CNIH3: variants seen among roughly 807,000 people sequenced by gnomAD.
CNIH3 encodes the protein protein cornichon homolog 3.
CNIH3 carries 14 observed loss-of-function variants against 24.1 expected under a neutral mutation model. The observed-to-expected ratio is 0.58, with a 90% CI of 0.38 to 0.91. CNIH3 has a LOEUF of 0.91. Ranked by LOEUF, CNIH3 falls within the 40% of genes least tolerant of loss-of-function variation. CNIH3 has a pLI of 0.00. For missense variants in CNIH3, 178 were observed against 196.8 expected (o/e 0.90, Z 0.57); for synonymous variants, 68 against 73.8 (o/e 0.92, Z 0.40).
intron 3 of CNIH3, among the ~76,000 whole-genome samples, chr1:224,564,047 A>AT (rs1285337765): frequency 6.6e-6 from 1 of 152,226 alleles, no homozygotes; most frequent in African/African-American, 2.4e-5. Context: ...GAAAAGACCC[A>AT]TGTGATGAGA....
intron 3 of CNIH3, among the ~76,000 whole-genome samples, chr1:224,687,347 C>T (rs1272834562): frequency 6.6e-6 from 1 of 152,184 alleles, no homozygotes; most frequent in Non-Finnish European, 1.5e-5. Flanking sequence ...ATTTTCCCAC[C>T]TTAGCCTCCT....
chr1:224,690,634 A>G (rs1160212873), intron 3 of CNIH3, among the ~76,000 whole-genome samples: 2 of 152,196 alleles, frequency 1.3e-5, no homozygotes, highest in African/African-American at 2.4e-5. Context: ...TCTCCAATTC[A>G]TGTCCCAGTT....
At chr1:224,468,255 T>C (rs1676229216) in intron 1 of CNIH3, among the ~76,000 whole-genome samples, 1 of 152,230 alleles carries the variant, frequency 6.6e-6, no homozygotes, top group South Asian at 2.1e-4. Context: ...ATAGGAATTA[T>C]GTAAATCAAT....
chr1:224,467,675 C>T (rs1054084052), intron 1 of CNIH3, among the ~76,000 whole-genome samples: 6 of 152,092 alleles, frequency 3.9e-5, no homozygotes, highest in Admixed American at 1.3e-4. Flanking sequence ...CCACTCACTT[C>T]GACCTCCCAT....
upstream of CNIH3, chr1:224,615,500 T>G (rs1682914361): frequency 6.6e-6 from 1 of 152,348 alleles, no homozygotes; most frequent in Middle Eastern, 3.4e-3. Context: ...TTTTTACTTA[T>G]GTTCCCTTTT....
intron 1 of CNIH3, among the ~76,000 whole-genome samples, chr1:224,516,702 A>G (rs969982555): frequency 6.6e-6 from 1 of 152,232 alleles, no homozygotes; most frequent in Non-Finnish European, 1.5e-5. Context: ...GCACTGCAAG[A>G]GCAGATAAGC....
At chr1:224,701,342 G>A (rs1687479135) in intron 3 of CNIH3, among the ~76,000 whole-genome samples, 1 of 152,106 alleles carries the variant, frequency 6.6e-6, no homozygotes, top group African/African-American at 2.4e-5. Flanking sequence ...TCTGGAGGCT[G>A]GGAAGTCCAA....
intron 4 of CNIH3, among the ~76,000 whole-genome samples, chr1:224,733,048 C>G (rs1181725059): frequency 6.6e-6 from 1 of 152,136 alleles, no homozygotes; most frequent in African/African-American, 2.4e-5. Context: ...CAGGTCCAGA[C>G]CAGTGACATT....
At chr1:224,436,506 A>G (rs961895160) in intron 1 of CNIH3, among the ~76,000 whole-genome samples, 3 of 152,368 alleles carry the variant, frequency 2.0e-5, no homozygotes, top group East Asian at 1.9e-4. Context: ...TTCATTAACA[A>G]AAGTAAAATG....
At chr1:224,552,543 C>G (rs1274307688) in intron 3 of CNIH3, among the ~76,000 whole-genome samples, 3 of 151,250 alleles carry the variant, frequency 2.0e-5, no homozygotes, top group Non-Finnish European at 4.4e-5. Context: ...GGAATAATAT[C>G]ACAAGATGTA....
chr1:224,620,432 G>T (rs880496), intron 1 of CNIH3, among the ~76,000 whole-genome samples: 23,043 of 152,184 alleles, frequency 0.15, 1,972 homozygotes, highest in Non-Finnish European at 0.19. Flanking sequence ...TCATAACTTA[G>T]ATAATAATTT....
At chr1:224,697,089 T>C (rs2125167567) in intron 3 of CNIH3, among the ~76,000 whole-genome samples, 1 of 152,322 alleles carries the variant, frequency 6.6e-6, no homozygotes, top group East Asian at 1.9e-4. Context: ...ATTTTCATAA[T>C]GCGTGAGCAG....
In CNIH3 at chr1:224,645,698, C is replaced by T. The variant is rs370633412; in HGVS notation, c.81+28443C>T. Among the ~76,000 whole-genome samples, 5 of 152,232 alleles carry T rather than the reference C, an allele frequency of 3.3e-5. No homozygotes were observed. The South Asian group carries it at 1.0e-3, about 32-fold the overall frequency. On this transcript the variant is annotated intron_variant, in intron 1 of 5. Transcript: ENST00000272133. ...ACTCATTGTGGCCAGCGGATATTCA[C>T]ATCTGTTGGAGCCTAGAAACCTAAA... is the stretch of plus-strand genomic sequence containing the variant.
At chr1:224,723,305 A>C (rs1350918841) in intron 3 of CNIH3, among the ~76,000 whole-genome samples, 1 of 152,040 alleles carries the variant, frequency 6.6e-6, no homozygotes, top group African/African-American at 2.4e-5. Context: ...AGCAATGGGC[A>C]GCAGGGGTGC....
At chr1:224,672,301 A>T (rs1304527823) in intron 1 of CNIH3, among the ~76,000 whole-genome samples, 1 of 152,224 alleles carries the variant, frequency 6.6e-6, no homozygotes, top group Non-Finnish European at 1.5e-5. Flanking sequence ...CTTTCATGCT[A>T]ACATTTTCAG....
chr1:224,556,512 AC>A (rs1201909509), intron 3 of CNIH3, among the ~76,000 whole-genome samples: 1 of 151,852 alleles, frequency 6.6e-6, no homozygotes, highest in African/African-American at 2.4e-5. Context: ...GCAATTCCCA[AC>A]CTTTTTGGTA....
At chr1:224,465,051 C>T (rs1198549802) in intron 1 of CNIH3, among the ~76,000 whole-genome samples, 1 of 152,100 alleles carries the variant, frequency 6.6e-6, no homozygotes, top group African/African-American at 2.4e-5. Flanking sequence ...ACTTTAGCCA[C>T]CTAAAGTGCT....
At chr1:224,698,356 C>T (rs143865436) in intron 3 of CNIH3, among the ~76,000 whole-genome samples, 54 of 152,260 alleles carry the variant, frequency 3.5e-4, no homozygotes, top group Non-Finnish European at 1.6e-4. Flanking sequence ...AGGAGGTAGG[C>T]GGGGAACACG....
intron 1 of CNIH3, among the ~76,000 whole-genome samples, chr1:224,670,002 T>C (rs924100078): frequency 2.0e-5 from 3 of 152,088 alleles, no homozygotes; most frequent in African/African-American, 7.2e-5. Flanking sequence ...GGTGCTATAG[T>C]CTGTATCACC....
Sources: gnomAD v4.1 joint callset for allele counts (sites outside exome capture counted in the v4.1 genomes callset) on GRCh38, gnomAD v4.1.1 for gene constraint, MANE v1.5 for transcripts, NCBI Gene and HGNC (gene_info 2026-07-23, HGNC 2026-07-21) for gene names.